CDH8: variants seen among roughly 807,000 people sequenced by gnomAD.
CDH8 encodes cadherin 8, also known as cadherin-8.
Under a neutral mutation model 68.1 loss-of-function variants are expected in CDH8, and 17 were observed. The observed-to-expected ratio is 0.25, with a 90% CI of 0.17 to 0.37. The LOEUF (loss-of-function observed/expected upper bound fraction) is 0.37. CDH8 is among the 10% of genes least tolerant of loss of function. The probability of loss-of-function intolerance (pLI) is 1.00; values close to 1 mark genes in which losing one functional copy is unlikely to be tolerated. For missense variants in CDH8, 763 were observed against 999.3 expected (o/e 0.76, Z 3.19); for synonymous variants, 372 against 365.1 (o/e 1.02, Z -0.21).
At position 61,679,897 on chromosome 16, in the gene CDH8, C is replaced by T. The variant is rs549068740; in HGVS notation, c.1655-24176G>A. 3.1e-3 allele frequency among the ~76,000 whole-genome samples: 476 copies of T among 151,918 alleles called. 2 individuals carry two copies. Among genetic ancestry groups the T allele is most frequent in the African/African-American group, 0.011 (456 of 41,454 alleles). On this transcript the variant is annotated intron_variant, in intron 10 of 11. Transcript: ENST00000577390. ...GTAGTCTATGCCATGGTTAAACAAC[C>T]GAAAAGAATTAGAAAGTTCCTCATT...
intron 2 of CDH8, among the ~76,000 whole-genome samples, chr16:61,955,192 G>GGTTA (rs1273116364): frequency 2.6e-5 from 4 of 152,128 alleles, no homozygotes; most frequent in Non-Finnish European, 5.9e-5. Flanking sequence ...GTTAAATCAA[G>GGTTA]GTTAGCCTAA....
At chr16:61,953,882 GA>G (rs1337124057) in intron 2 of CDH8, among the ~76,000 whole-genome samples, 22 of 72,648 alleles carry the variant, frequency 3.0e-4, no homozygotes, top group South Asian at 9.5e-4. Context: ...GTCTCAAAAA[GA>G]AAAAAAAAAC....
chr16:61,739,386 C>T (rs1054602530), intron 8 of CDH8, among the ~76,000 whole-genome samples: 12 of 152,052 alleles, frequency 7.9e-5, no homozygotes, highest in Middle Eastern at 6.8e-3. Flanking sequence ...TTACTAGATA[C>T]GAAAGCTAAT....
chr16:61,883,236 G>A (rs1404380551), intron 3 of CDH8, among the ~76,000 whole-genome samples: 2 of 152,088 alleles, frequency 1.3e-5, no homozygotes, highest in Non-Finnish European at 2.9e-5. Context: ...TACCAGCAGG[G>A]CACTCTAGGT....
intron 10 of CDH8, among the ~76,000 whole-genome samples, chr16:61,690,483 G>T (rs1964197891): frequency 6.6e-6 from 1 of 152,050 alleles, no homozygotes; most frequent in Non-Finnish European, 1.5e-5. Flanking sequence ...AATATCATTT[G>T]TATCAATATG....
At chr16:61,828,391 T>G (rs912484075) in intron 4 of CDH8, among the ~76,000 whole-genome samples, 1 of 151,922 alleles carries the variant, frequency 6.6e-6, no homozygotes, top group African/African-American at 2.4e-5. Context: ...TTAATAAACT[T>G]GCTTTCACTA....
chr16:62,026,168 C>T (rs1250245005), intron 1 of CDH8, among the ~76,000 whole-genome samples: 1 of 152,154 alleles, frequency 6.6e-6, no homozygotes, highest in East Asian at 1.9e-4. Flanking sequence ...TCCGAATGAC[C>T]ATTAACCAGC....
intron 2 of CDH8, among the ~76,000 whole-genome samples, chr16:61,949,907 A>G (rs1290179882): frequency 1.3e-5 from 2 of 151,920 alleles, no homozygotes; most frequent in African/African-American, 4.8e-5. Flanking sequence ...AAGATTGCTT[A>G]AACATGGGTG....
chr16:61,964,967 A>C (rs1001824560), intron 2 of CDH8, among the ~76,000 whole-genome samples: 4 of 152,216 alleles, frequency 2.6e-5, no homozygotes, highest in Non-Finnish European at 4.4e-5. Context: ...CTACCACAGA[A>C]GCCTTTGAGT....
chr16:61,986,535 C>T (rs1397434308), intron 2 of CDH8, among the ~76,000 whole-genome samples: 1 of 152,142 alleles, frequency 6.6e-6, no homozygotes, highest in African/African-American at 2.4e-5. Context: ...GAAGAATGCG[C>T]ACTTTGAGGG....
intron 3 of CDH8, among the ~76,000 whole-genome samples, chr16:61,894,628 A>G (rs1482637724): frequency 6.6e-6 from 1 of 152,192 alleles, no homozygotes. Flanking sequence ...ATTCTAAATC[A>G]AAGATAACAA....
At chr16:61,677,804 G>A (rs537330426) in intron 10 of CDH8, among the ~76,000 whole-genome samples, 2 of 152,038 alleles carry the variant, frequency 1.3e-5, no homozygotes, top group East Asian at 3.9e-4. Flanking sequence ...GTTGGCCAGG[G>A]CACTCCAAAA....
chr16:61,726,946 A>G (rs181351899), intron 9 of CDH8, 148 bp downstream of exon 9: 7 of 809,698 alleles, frequency 8.6e-6, no homozygotes, highest in Non-Finnish European at 1.4e-5. Context: ...GAGAAAAAAA[A>G]TTCCCTCTCT....
intron 10 of CDH8, among the ~76,000 whole-genome samples, chr16:61,690,695 T>C (rs1450698479): frequency 1.3e-5 from 2 of 152,056 alleles, no homozygotes; most frequent in Non-Finnish European, 2.9e-5. Flanking sequence ...AACACGTTTA[T>C]TAGCAGAACC....
intron 2 of CDH8, among the ~76,000 whole-genome samples, chr16:61,956,116 T>G (rs1964983719): frequency 6.6e-6 from 1 of 152,210 alleles, no homozygotes; most frequent in African/African-American, 2.4e-5. Context: ...TAAATTTCCA[T>G]GTATAACTTA....
At chr16:61,769,958 G>A (rs1960735476) in intron 8 of CDH8, among the ~76,000 whole-genome samples, 1 of 151,872 alleles carries the variant, frequency 6.6e-6, no homozygotes, top group Non-Finnish European at 1.5e-5. Context: ...TCTGTACAAA[G>A]ATGAACCTTG....
chr16:61,825,117 T>G lies in CDH8; in HGVS notation c.730A>C (p.Ile244Leu). The G allele has an allele frequency of 6.2e-7, 1 of 1,612,020 alleles. No individual in the cohort carries two copies. The highest frequency in any genetic ancestry group is 8.5e-7 in the Non-Finnish European group (1 of 1,178,698). ...REAKEEYLVV[I>L]QAKDMGGHSG... is the part of the protein sequence containing the mutation. ...TGTCCACCCATATCTTTGGCTTGGA[T>G]AACAACCAGGTACTCCTCCTTGGCT... The change falls in exon 5 of 12, where the codon ATC becomes CTC. Residue 244 changes from isoleucine (I) to leucine (L), a missense_variant. Transcript: ENST00000577390.
At chr16:61,780,245 T>C (rs1344009640) in intron 8 of CDH8, among the ~76,000 whole-genome samples, 1 of 152,224 alleles carries the variant, frequency 6.6e-6, no homozygotes, top group Non-Finnish European at 1.5e-5. Flanking sequence ...ATGGGGTTGC[T>C]ACTAGCAGAG....
intron 1 of CDH8, among the ~76,000 whole-genome samples, chr16:62,026,282 C>A (rs1902196484): frequency 6.6e-6 from 1 of 152,184 alleles, no homozygotes; most frequent in Non-Finnish European, 1.5e-5. Flanking sequence ...TAACGTGCAT[C>A]CAAATTACCT....
Sources: allele counts gnomAD v4.1 joint callset (sites outside exome capture counted in the v4.1 genomes callset), GRCh38; gene constraint gnomAD v4.1.1; transcripts MANE v1.5; gene names NCBI Gene and HGNC (gene_info 2026-07-23, HGNC 2026-07-21).